The following KCTD1 variants were observed in gnomAD, a reference collection of about 807,000 sequenced individuals.
The protein encoded by KCTD1 is potassium channel tetramerization domain containing 1, also known as BTB/POZ domain-containing protein KCTD1.
In KCTD1, 24 loss-of-function variants were observed where a neutral mutation model predicts 66.0. The ratio of observed to expected loss-of-function variants is 0.36; its 90% CI spans 0.26 to 0.51. KCTD1 has a LOEUF of 0.51. Ranked by LOEUF, KCTD1 falls within the 20% of genes least tolerant of loss-of-function variation. KCTD1 has a pLI of 0.95. For synonymous variants in KCTD1, 511 were observed against 517.2 expected, an observed-to-expected ratio of 0.99 and a Z score of 0.16; for missense variants, 943 against 1,205.2, an observed-to-expected ratio of 0.78 and a Z score of 3.22.
intron 2 of KCTD1, 22 bp downstream of exon 2, chr18:26,501,050 A>G (rs557456886): frequency 6.2e-7 from 1 of 1,609,222 alleles, no homozygotes; most frequent in East Asian, 2.2e-5. Context: ...TCGGAGTCTG[A>G]TTTTTCAGTT....
At chr18:26,605,959 G>A (rs1275135131) in intron 1 of KCTD1, among the ~76,000 whole-genome samples, 2 of 152,152 alleles carry the variant, frequency 1.3e-5, no homozygotes. Flanking sequence ...GCCCAAGGTG[G>A]TTGGGGCATG....
chr18:26,571,485 T>C (rs1253487967), intron 1 of KCTD1, among the ~76,000 whole-genome samples: 2 of 152,238 alleles, frequency 1.3e-5, no homozygotes, highest in Non-Finnish European at 2.9e-5. Context: ...TAAAATGGTA[T>C]TGTATTTGCA....
Position 26,599,281 on chromosome 18 carries a change from T to G in KCTD1, c.-16+29866A>C, listed in dbSNP as rs1986836469. ...GTTGAAAAGACTATTCCTTCTCCATTGAATTGTTTGGTGCTCTTTTAGAAA... is the reference window on the plus strand; with the variant it reads ...GTTGAAAAGACTATTCCTTCTCCATGGAATTGTTTGGTGCTCTTTTAGAAA... On this transcript the variant is annotated intron_variant, in intron 1 of 4. Transcript: ENST00000317932. The G allele has an allele frequency of 9.1e-6, 7 of 766,744 alleles. No homozygotes were observed. In the East Asian group the frequency reaches 1.8e-4, roughly 20 times the overall value. The allele number at this position is 766,744 out of a possible 1,614,324, so 47.5% of individuals were successfully genotyped here.
intron 1 of KCTD1, among the ~76,000 whole-genome samples, chr18:26,580,619 C>T (rs1986330204): frequency 6.6e-6 from 1 of 152,134 alleles, no homozygotes; most frequent in Non-Finnish European, 1.5e-5. Flanking sequence ...AAAGAAGCCA[C>T]AGAAACTCAC....
chr18:26,473,971 C>A (rs1271198539), intron 3 of KCTD1, among the ~76,000 whole-genome samples: 1 of 152,212 alleles, frequency 6.6e-6, no homozygotes, highest in Non-Finnish European at 1.5e-5. Flanking sequence ...TTGGCATGTG[C>A]CCCACTGTTC....
intron 1 of KCTD1, among the ~76,000 whole-genome samples, chr18:26,571,211 G>A (rs1986098663): frequency 6.6e-6 from 1 of 152,160 alleles, no homozygotes; most frequent in South Asian, 2.1e-4. Flanking sequence ...AATGTCCCTT[G>A]CACATAGCAG....
Position 26,495,268 on chromosome 18 carries a change from C to T in KCTD1, c.1988+5804G>A, listed in dbSNP as rs556673663. 3.3e-5 allele frequency among the ~76,000 whole-genome samples: 5 copies of T among 152,212 alleles called. No individual in the cohort carries two copies. In the South Asian group the frequency reaches 8.3e-4, roughly 25 times the overall value. ...CTAATACAGGATTACAGCAAACTCC[C>T]TAGGCTGGCATACAACAGTTACAAG... is the stretch of plus-strand genomic sequence containing the variant. On this transcript the variant is annotated intron_variant, in intron 2 of 4. Coordinates refer to ENST00000580059, the MANE Select transcript of KCTD1 (RefSeq NM_001142730.3).
chr18:26,604,981 T>C (rs1986979512), intron 1 of KCTD1, among the ~76,000 whole-genome samples: 1 of 152,160 alleles, frequency 6.6e-6, no homozygotes, highest in Non-Finnish European at 1.5e-5. Context: ...GAACCCAGGT[T>C]CCTTCTAGCT....
intron 1 of KCTD1, among the ~76,000 whole-genome samples, chr18:26,583,393 C>CAAAAAAAAAAAAAAAAAAAAAA (rs55720907): frequency 1.2e-5 from 1 of 83,818 alleles, no homozygotes; most frequent in Non-Finnish European, 2.2e-5. Context: ...GACTTTGTCT[C>CAAAAAAAAAAAAAAAAAAAAAA]AAAAAAAAAA....
At chr18:26,625,963 G>A (rs532146741) in intron 1 of KCTD1, among the ~76,000 whole-genome samples, 1 of 152,220 alleles carries the variant, frequency 6.6e-6, no homozygotes, top group South Asian at 2.1e-4. Flanking sequence ...GTGTATTTGG[G>A]ACTTCTGAAT....
At position 26,523,371 on chromosome 18, in the gene KCTD1, G is replaced by A. The variant is rs929705; in HGVS notation, c.1810-22121C>T. Among the ~76,000 whole-genome samples the A allele has an allele frequency of 6.9e-3, 1,057 of 152,256 alleles. 24 individuals carry two copies. Among genetic ancestry groups the A allele is most frequent in the East Asian group, 0.042 (220 of 5,190 alleles). ...CTTACTTTCTGCATGAAATTGTCGT[G>A]GGATTTGGCTTATTTTGAGGCTCAA... On this transcript the variant is annotated intron_variant, in intron 1 of 4. Transcript: ENST00000580059.
intron 3 of KCTD1, among the ~76,000 whole-genome samples, chr18:26,469,170 G>GT (rs11336950): frequency 6.2e-4 from 91 of 146,184 alleles, no homozygotes; most frequent in South Asian, 1.9e-3. Context: ...ACATGCTTTT[G>GT]TTTTTTTTTT....
intron 1 of KCTD1, among the ~76,000 whole-genome samples, chr18:26,561,118 A>G (rs970572407): frequency 6.6e-6 from 1 of 152,044 alleles, no homozygotes; most frequent in Non-Finnish European, 1.5e-5. Flanking sequence ...TCTCCAAGAC[A>G]TTTTATTAAG....
chr18:26,595,960 A>T (rs1986756352), intron 1 of KCTD1, among the ~76,000 whole-genome samples: 1 of 152,200 alleles, frequency 6.6e-6, no homozygotes, highest in Admixed American at 6.5e-5. Flanking sequence ...AGGTGGGAGG[A>T]TCACTTGAGC....
chr18:26,467,382 G>T (rs1022824820), intron 3 of KCTD1, among the ~76,000 whole-genome samples: 1 of 152,098 alleles, frequency 6.6e-6, no homozygotes, highest in African/African-American at 2.4e-5. Context: ...TGAGTGTGGT[G>T]GTGCATGCCT....
intron 1 of KCTD1, among the ~76,000 whole-genome samples, chr18:26,657,043 G>A (rs1464855533): frequency 2.0e-5 from 3 of 150,064 alleles, no homozygotes; most frequent in East Asian, 4.0e-4. Context: ...CCAGAGATCC[G>A]GAAACCCGGC....
At chr18:26,608,295 A>G (rs1324959135) in intron 1 of KCTD1, among the ~76,000 whole-genome samples, 1 of 152,094 alleles carries the variant, frequency 6.6e-6, no homozygotes, top group African/African-American at 2.4e-5. Context: ...TTCTATTTCC[A>G]AGTGAGAGTG....
intron 1 of KCTD1, among the ~76,000 whole-genome samples, chr18:26,531,141 T>C (rs1424128232): frequency 6.6e-6 from 1 of 152,140 alleles, no homozygotes; most frequent in African/African-American, 2.4e-5. Flanking sequence ...TACAAATATA[T>C]AACCATTATT....
chr18:26,654,703 T>C (rs1433679168), intron 1 of KCTD1, among the ~76,000 whole-genome samples: 1 of 152,240 alleles, frequency 6.6e-6, no homozygotes, highest in Non-Finnish European at 1.5e-5. Flanking sequence ...TGTGACATTT[T>C]TGCCTAATTA....
Sources: allele counts gnomAD v4.1 joint callset (sites outside exome capture counted in the v4.1 genomes callset), GRCh38; gene constraint gnomAD v4.1.1; transcripts MANE v1.5; gene names NCBI Gene and HGNC (gene_info 2026-07-23, HGNC 2026-07-21).